The following TESC variants were observed in gnomAD, a reference collection of about 807,000 sequenced individuals.
TESC encodes the protein calcineurin B homologous protein 3.
TESC carries 19 observed loss-of-function variants against 31.0 expected under a neutral mutation model. The ratio of observed to expected loss-of-function variants is 0.61; its 90% confidence interval spans 0.43 to 0.90. The LOEUF is 0.90. Among genes scored for constraint, TESC ranks in the 40% least tolerant of loss-of-function variants. The pLI is 0.00. For synonymous variants in TESC, 109 were observed against 114.8 expected, an observed-to-expected ratio of 0.95 and a Z score of 0.32; for missense variants, 248 against 303.8, an observed-to-expected ratio of 0.82 and a Z score of 1.36.
chr12:117,046,527 GCGCGTCT>G, intron 6 of TESC, 25 bp downstream of exon 6: 1 of 1,532,216 alleles, frequency 6.5e-7, no homozygotes, highest in South Asian at 1.2e-5. Flanking sequence ...GAAAGGCACT[GCGCGTCT>G]CGGGAGGGCT....
chr12:117,075,913 A>ATGTGTGTG (rs1172157385), intron 1 of TESC, among the ~76,000 whole-genome samples: 1,176 of 51,786 alleles, frequency 0.023, 46 homozygotes, highest in Non-Finnish European at 0.029. Flanking sequence ...ATATATATAT[A>ATGTGTGTG]TGTGTGTGTG....
chr12:117,069,229 A>T (rs1394972057), intron 2 of TESC, among the ~76,000 whole-genome samples: 1 of 152,116 alleles, frequency 6.6e-6, no homozygotes, highest in East Asian at 1.9e-4. Context: ...TCTTTTAAAA[A>T]GGGAACATAA....
At chr12:117,043,998 C>A (rs1954521581) in intron 6 of TESC, among the ~76,000 whole-genome samples, 1 of 151,828 alleles carries the variant, frequency 6.6e-6, no homozygotes, top group African/African-American at 2.4e-5. Context: ...GTCATCCCAG[C>A]ACTTTGGGAG....
intron 3 of TESC, among the ~76,000 whole-genome samples, chr12:117,051,411 T>C (rs1467934555): frequency 1.3e-5 from 2 of 152,172 alleles, no homozygotes; most frequent in African/African-American, 4.8e-5. Flanking sequence ...ATCTGCGGGA[T>C]GAGATCTGTC....
At chr12:117,063,587 G>A (rs561465218) in intron 2 of TESC, among the ~76,000 whole-genome samples, 2 of 152,122 alleles carry the variant, frequency 1.3e-5, no homozygotes, top group East Asian at 3.9e-4. Flanking sequence ...AAGGCTAACC[G>A]ACCTCCAAGG....
intron 6 of TESC, among the ~76,000 whole-genome samples, chr12:117,042,670 G>C (rs979832426): frequency 1.3e-5 from 2 of 152,232 alleles, no homozygotes; most frequent in Non-Finnish European, 2.9e-5. Flanking sequence ...CTGCTCTGGG[G>C]ATGACACCAG....
chr12:117,086,607 A>G (rs1955222960), intron 1 of TESC, among the ~76,000 whole-genome samples: 1 of 143,350 alleles, frequency 7.0e-6, no homozygotes, highest in Non-Finnish European at 1.5e-5. Flanking sequence ...TAATTTTTTT[A>G]ATTTTTCTTT....
intron 2 of TESC, among the ~76,000 whole-genome samples, chr12:117,065,058 G>A (rs1954856348): frequency 6.6e-6 from 1 of 152,234 alleles, no homozygotes; most frequent in African/African-American, 2.4e-5. Flanking sequence ...TGTGGCAGGG[G>A]CCCAACCGTG....
intron 2 of TESC, among the ~76,000 whole-genome samples, chr12:117,066,292 C>G (rs145004058): frequency 6.9e-6 from 1 of 144,732 alleles, no homozygotes; most frequent in African/African-American, 2.6e-5. Flanking sequence ...CTGCAGCCTT[C>G]ACCTCCTGGG....
Position 117,049,038 on chromosome 12 carries a change from G to C in TESC, c.330C>G (p.Ser110=), listed in dbSNP as rs758146184. 2 of 1,614,064 alleles carry C rather than the reference G, an allele frequency of 1.2e-6. No homozygotes were observed. The highest frequency in any genetic ancestry group is 1.7e-6 in the Non-Finnish European group (2 of 1,180,030). The change falls in exon 4 of 8, where the codon TCC becomes TCG. Residue 110 remains serine, a synonymous_variant. Transcript: ENST00000335209. ...ACGCACATCTCAGCTTCTCCTTCCG[G>C]GACAGCTCCACCTGTTCCTCGTCCA... ...TTMDEEQVEL[S]RKEKLRFLFH... is the part of the protein sequence containing the mutation.
Position 117,099,241 on chromosome 12 carries a change from G to C in TESC, c.42C>G (p.Leu14=). The change falls in exon 1 of 8, where the codon CTC becomes CTG. Residue 14 remains leucine (L), a synonymous_variant. Transcript: ENST00000335209. Reference sequence around the variant, plus strand: ...GGTACTCACAGCCGGTCTTGCCCTCGAGCTCCCGCACCTCCTCAGACGCGG... The same window carrying C: ...GGTACTCACAGCCGGTCTTGCCCTCCAGCTCCCGCACCTCCTCAGACGCGG... ...AHSASEEVRE[L]EGKTGFSSDQ... is the part of the protein sequence containing the mutation. The C allele has an allele frequency of 6.8e-7, 1 of 1,478,186 alleles. No individual in the cohort carries two copies. The highest frequency in any genetic ancestry group is 1.3e-5 in the South Asian group (1 of 78,586). The allele number at this position is 1,478,186 out of a possible 1,614,324, so 91.6% of individuals were successfully genotyped here.
intron 6 of TESC, among the ~76,000 whole-genome samples, chr12:117,042,870 G>A (rs1954505299): frequency 6.6e-6 from 1 of 152,132 alleles, no homozygotes; most frequent in Admixed American, 6.5e-5. Flanking sequence ...TTTATGCCTA[G>A]TGTTCCATTA....
chr12:117,044,770 G>A (rs1221512717), intron 6 of TESC, among the ~76,000 whole-genome samples: 5 of 152,298 alleles, frequency 3.3e-5, no homozygotes, highest in African/African-American at 9.6e-5. Context: ...AGTGGCACAC[G>A]CCTGTAATTC....
At position 117,042,218 on chromosome 12, in the gene TESC, G is replaced by A. The variant is rs1342050473; in HGVS notation, c.520-224C>T. ...TATCCTCATTCATGGGCTTGAGGGT[G>A]GGATGGGAGCCGAGCGTCGCTCACC... On this transcript the variant is annotated intron_variant, in intron 6 of 7. Transcript: ENST00000335209. Among the ~76,000 whole-genome samples, 6 of 152,176 alleles carry A rather than the reference G, an allele frequency of 3.9e-5. No individual in the cohort carries two copies. In the East Asian group the frequency reaches 1.2e-3, roughly 29 times the overall value.
rs146898711 is a variant in TESC at position 117,056,747 on chromosome 12, G to A, written c.209+59C>T. 755 of 1,548,078 alleles carry A rather than the reference G, an allele frequency of 4.9e-4. 7 individuals are homozygous for A. In the East Asian group the frequency reaches 0.015, roughly 30 times the overall value. On this transcript the variant is annotated intron_variant, in intron 3 of 7. Coordinates refer to ENST00000335209, the MANE Select transcript of TESC (RefSeq NM_017899.4). ...GGTCATTCTAGGAAACAAGTATCCC[G>A]AGATGTTACACAAGACAAGGGTGCC...
At chr12:117,048,188 T>C (rs919935422) in intron 4 of TESC, among the ~76,000 whole-genome samples, 2 of 152,156 alleles carry the variant, frequency 1.3e-5, no homozygotes, top group African/African-American at 4.8e-5. Flanking sequence ...AGTTAAGGCG[T>C]TTGCCCACGG....
chr12:117,097,553 GAGAA>G (rs1955412027), intron 1 of TESC, among the ~76,000 whole-genome samples: 1 of 152,194 alleles, frequency 6.6e-6, no homozygotes, highest in Non-Finnish European at 1.5e-5. Flanking sequence ...GAGGGCACAT[GAGAA>G]ATAATAAAAG....
intron 3 of TESC, among the ~76,000 whole-genome samples, chr12:117,049,627 G>A (rs7968761): frequency 0.45 from 68,321 of 151,760 alleles, 17,784 homozygotes; most frequent in African/African-American, 0.73. Context: ...CGGGCTGGGT[G>A]CGGTGGCTAA....
In TESC at chr12:117,099,229, G is replaced by A. The variant is rs775812595; in HGVS notation, c.54C>T (p.Thr18=). Residue 18 remains threonine (T), a synonymous_variant, in exon 1 of 8, where the codon ACC becomes ACT. Coordinates refer to ENST00000335209, the MANE Select transcript of TESC (RefSeq NM_017899.4). ...SEEVRELEGK[T]GFSSDQIEQL... ...CCGCCCCCCGCGGGTACTCACAGCC[G>A]GTCTTGCCCTCGAGCTCCCGCACCT... 4 of 1,480,830 alleles carry A rather than the reference G, an allele frequency of 2.7e-6. No individual in the cohort carries two copies. Among genetic ancestry groups the A allele is most frequent in the South Asian group, 2.5e-5 (2 of 79,030 alleles). The allele number at this position is 1,480,830 out of a possible 1,614,324, so 91.7% of individuals were successfully genotyped here.
Sources: gnomAD v4.1 joint callset for allele counts (sites outside exome capture counted in the v4.1 genomes callset) on GRCh38, gnomAD v4.1.1 for gene constraint, MANE v1.5 for transcripts, NCBI Gene and HGNC (gene_info 2026-07-23, HGNC 2026-07-21) for gene names.